TAB1: variants seen among roughly 807,000 people sequenced by gnomAD.
TAB1 encodes TGF-beta-activated kinase 1 and MAP3K7-binding protein 1.
Under a neutral mutation model 54.5 loss-of-function variants are expected in TAB1, and 30 were observed. The ratio of observed to expected loss-of-function variants is 0.55; its 90% CI spans 0.41 to 0.75. TAB1 has a LOEUF of 0.75. Ranked by LOEUF, TAB1 falls within the 30% of genes least tolerant of loss-of-function variation. The probability of loss-of-function intolerance (pLI) is 0.00; values close to 1 mark genes in which losing one functional copy is unlikely to be tolerated. For synonymous variants in TAB1, 289 were observed against 286.9 expected (o/e 1.01, Z -0.07); for missense variants, 609 against 683.2 (o/e 0.89, Z 1.21).
At chr22:39,428,208 C>T (rs1444108025) in intron 10 of TAB1, 25 bp downstream of exon 10, 5 of 1,513,294 alleles carry the variant, frequency 3.3e-6, no homozygotes, top group Non-Finnish European at 2.7e-6. Context: ...CACTGAGCCA[C>T]CCCCAGCCCT....
intron 8 of TAB1, among the ~76,000 whole-genome samples, chr22:39,422,599 G>C (rs1348132625): frequency 2.0e-5 from 3 of 151,618 alleles, no homozygotes; most frequent in African/African-American, 7.3e-5. Context: ...GTAGAGACAG[G>C]GTTTCACCAG....
At chr22:39,419,009 T>G (rs1399097406) in intron 6 of TAB1, among the ~76,000 whole-genome samples, 164 bp downstream of exon 6, 1 of 152,092 alleles carries the variant, frequency 6.6e-6, no homozygotes, top group Admixed American at 6.5e-5. Context: ...TGGTTGGTGA[T>G]TGGAACTTAA....
Position 39,416,829 on chromosome 22 carries a change from T to A in TAB1, c.363T>A (p.Ile121=). ...TGGAGAGGAGCTTCCTGGAGTCCAT[T>A]GACGACGCCTTGGCTGAGAAGGCAA... The part of the protein sequence containing the change: ...DVVERSFLES[I]DDALAEKASL... The change falls in exon 4 of 11, where the codon ATT becomes ATA. Residue 121 remains isoleucine (I), a synonymous_variant. Coordinates refer to ENST00000216160, the MANE Select transcript of TAB1 (RefSeq NM_006116.3). 6.2e-7 allele frequency: 1 copy of A among 1,614,214 alleles called. No individual in the cohort carries two copies. The highest frequency in any genetic ancestry group is 8.5e-7 in the Non-Finnish European group (1 of 1,180,028).
At position 39,415,465 on chromosome 22, in the gene TAB1, G is replaced by A. The variant is rs1926785571; in HGVS notation, c.171-35G>A. 1.2e-6 allele frequency: 2 copies of A among 1,602,280 alleles called. No individual in the cohort carries two copies. The highest frequency in any genetic ancestry group is 3.3e-5 in the Admixed American group (2 of 59,788). ...CTCCCTCCACCTCCGTGAGACCCTG[G>A]TCTCAGGCCTCCCTCTGCCCTCTCC... On this transcript the variant is annotated intron_variant, in intron 2 of 10. Transcript: ENST00000216160. The surrounding 1 kb of genome is among the most constrained non-coding windows in gnomAD (Gnocchi z 4.9).
Position 39,415,793 on chromosome 22 carries a change from A to G in TAB1, c.324+140A>G. 8.8e-7 allele frequency: 1 copy of G among 1,130,716 alleles called. No homozygotes were observed. Among genetic ancestry groups the G allele is most frequent in the Non-Finnish European group, 1.2e-6 (1 of 813,062 alleles). 70.0% of individuals were successfully genotyped at this position (1,130,716 alleles called of 1,614,324 possible). On this transcript the variant is annotated intron_variant, in intron 3 of 10. Coordinates refer to ENST00000216160, the MANE Select transcript of TAB1 (RefSeq NM_006116.3). This position sits in a 1 kb window ranked among gnomAD's most constrained non-coding sequence, Gnocchi z 4.9. ...TCACCCCAGTAGAGGAGCAGCTCCC[A>G]GCGTAGGCCCCCCCACCCAACAGGA...
Position 39,421,813 on chromosome 22 carries a change from C to T in TAB1, c.777-14C>T. 3.1e-6 allele frequency: 5 copies of T among 1,614,024 alleles called. No individual in the cohort carries two copies. Among genetic ancestry groups the T allele is most frequent in the South Asian group, 1.1e-5 (1 of 91,082 alleles). On this transcript the variant is annotated splice_polypyrimidine_tract_variant and intron_variant, in intron 7 of 10. Transcript: ENST00000216160. ...GTTCCAAGCAAAGCTCTTCCTTCCACTCTCTCCCCATAGCGCTGCCAAGTC... is the reference window on the plus strand; with the variant it reads ...GTTCCAAGCAAAGCTCTTCCTTCCATTCTCTCCCCATAGCGCTGCCAAGTC...
chr22:39,399,906 G>C, intron 1 of TAB1, 71 bp downstream of exon 1: 1 of 1,513,398 alleles, frequency 6.6e-7, no homozygotes, highest in Non-Finnish European at 9.0e-7. Flanking sequence ...GTGCAGGAAC[G>C]GCTCCTTCTC....
At chr22:39,423,783 G>C (rs1927195992) in intron 8 of TAB1, among the ~76,000 whole-genome samples, 1 of 151,526 alleles carries the variant, frequency 6.6e-6, no homozygotes, top group Non-Finnish European at 1.5e-5. Context: ...GTAATGTATA[G>C]TGTTTTATAG....
intron 1 of TAB1, among the ~76,000 whole-genome samples, chr22:39,405,763 G>A (rs769542135): frequency 2.0e-5 from 3 of 152,180 alleles, no homozygotes; most frequent in Non-Finnish European, 4.4e-5. Flanking sequence ...GCTAATCCTC[G>A]ATGGAGATGG....
downstream of TAB1, chr22:39,433,212 G>C (rs534532184): frequency 4.6e-5 from 45 of 981,838 alleles, no homozygotes; most frequent in Non-Finnish European, 4.7e-5. Context: ...AGCACTTTCA[G>C]AGGCCAAGGC....
intron 1 of TAB1, among the ~76,000 whole-genome samples, chr22:39,401,430 C>T (rs988987876): frequency 1.3e-5 from 2 of 152,228 alleles, no homozygotes; most frequent in African/African-American, 4.8e-5. Flanking sequence ...TCCCAGAGGG[C>T]AAGGTCCCTG....
At chr22:39,429,815 C>G in intron 10 of TAB1, 200 bp from the exon 11 acceptor site, 1 of 985,372 alleles carries the variant, frequency 1.0e-6, no homozygotes, top group Non-Finnish European at 1.2e-6. Flanking sequence ...TTTAAGTAGC[C>G]ACATGCATCT....
At position 39,431,429 on chromosome 22, in the gene TAB1, A is replaced by G. The variant is rs1705923952; in HGVS notation, c.*1207A>G. 1 of 985,504 alleles carries G rather than the reference A, an allele frequency of 1.0e-6. No homozygotes were observed. Among genetic ancestry groups the G allele is most frequent in the African/African-American group, 1.7e-5 (1 of 57,330 alleles). The allele number at this position is 985,504 out of a possible 1,614,324, so 61.0% of individuals were successfully genotyped here. On this transcript the variant is annotated 3_prime_UTR_variant, in exon 11 of 11. Transcript: ENST00000216160. ...GACCTGAGCCATTTTGTCAGTATCCAGGACCCCCCGGATTCTCCACGCCCT... is the reference window on the plus strand; with the variant it reads ...GACCTGAGCCATTTTGTCAGTATCCGGGACCCCCCGGATTCTCCACGCCCT...
chr22:39,417,212 T>C (rs1023028462), intron 4 of TAB1, among the ~76,000 whole-genome samples: 1 of 152,246 alleles, frequency 6.6e-6, no homozygotes, highest in Non-Finnish European at 1.5e-5. Context: ...GTGAGTTCGG[T>C]CATCTCCAGC....
chr22:39,430,047 A>G lies in TAB1; in HGVS notation c.1340A>G (p.Asn447Ser), dbSNP rs974770017. Residue 447 changes from asparagine (N) to serine (S), a missense_variant, in exon 11 of 11, where the codon AAC becomes AGC. Coordinates refer to ENST00000216160, the MANE Select transcript of TAB1 (RefSeq NM_006116.3). ...CCGACCTTAACCCTGCAGTCCACCA[A>G]CACGCACACGCAGAGCAGCAGCTCC... ...QSPTLTLQST[N>S]THTQSSSSSS... 1 of 1,613,898 alleles carries G rather than the reference A, an allele frequency of 6.2e-7. No homozygotes were observed. Among genetic ancestry groups the G allele is most frequent in the Non-Finnish European group, 8.5e-7 (1 of 1,180,022 alleles).
chr22:39,425,399 C>T (rs1359844755), intron 8 of TAB1, among the ~76,000 whole-genome samples: 3 of 151,460 alleles, frequency 2.0e-5, no homozygotes, highest in Non-Finnish European at 4.4e-5. Flanking sequence ...AAAAAAATTA[C>T]ATGGGATTCA....
chr22:39,429,450 T>G, intron 10 of TAB1: 1 of 756,814 alleles, frequency 1.3e-6, no homozygotes, highest in Non-Finnish European at 1.6e-6. Context: ...CACTTGTGGC[T>G]ATTAGACGCT....
downstream of TAB1, chr22:39,432,788 A>G (rs1210963356): frequency 4.1e-6 from 4 of 985,308 alleles, no homozygotes; most frequent in Non-Finnish European, 4.8e-6. Context: ...CGGGCGCTGC[A>G]CTGTTGACTT....
At chr22:39,436,301 G>GA (rs370640084), downstream of TAB1, among the ~76,000 whole-genome samples, 96 of 141,810 alleles carry the variant, frequency 6.8e-4, no homozygotes, top group Middle Eastern at 3.6e-3. Flanking sequence ...TCAAAAAAAA[G>GA]AAAAAAAAAA....
Sources: allele counts gnomAD v4.1 joint callset (sites outside exome capture counted in the v4.1 genomes callset), GRCh38; gene constraint gnomAD v4.1.1; non-coding constraint Gnocchi (gnomAD v3.1); transcripts MANE v1.5; gene names NCBI Gene and HGNC (gene_info 2026-07-23, HGNC 2026-07-21).